Variants in SLC8A3 observed in about 807,000 individuals in gnomAD.
SLC8A3 encodes the protein solute carrier family 8 member A3, also known as sodium/calcium exchanger 3.
Under a neutral mutation model 65.4 loss-of-function variants are expected in SLC8A3, and 37 were observed. The ratio of observed to expected loss-of-function variants is 0.57; its 90% CI spans 0.44 to 0.74. The LOEUF (loss-of-function observed/expected upper bound fraction) is 0.74, where lower values mean the gene tolerates loss of function less well. Ranked by LOEUF, SLC8A3 falls within the 30% of genes least tolerant of loss-of-function variation. The pLI is 0.00. For missense variants in SLC8A3, 1,112 were observed against 1,172.1 expected (o/e 0.95, Z 0.75); for synonymous variants, 461 against 444.5 (o/e 1.04, Z -0.47).
intron 2 of SLC8A3, among the ~76,000 whole-genome samples, chr14:70,064,991 A>T (rs1473279575): frequency 1.3e-5 from 2 of 151,960 alleles, no homozygotes; most frequent in Non-Finnish European, 2.9e-5. Flanking sequence ...TGGGTGTGAG[A>T]CACTGCTAGG....
At chr14:70,110,627 A>G (rs1239082217) in intron 2 of SLC8A3, among the ~76,000 whole-genome samples, 1 of 147,126 alleles carries the variant, frequency 6.8e-6, no homozygotes, top group Non-Finnish European at 1.5e-5. Context: ...AATCTTAGCT[A>G]TTGTGAACAG....
At chr14:70,186,053 A>T (rs1285247101) in intron 1 of SLC8A3, among the ~76,000 whole-genome samples, 1 of 152,114 alleles carries the variant, frequency 6.6e-6, no homozygotes, top group Non-Finnish European at 1.5e-5. Context: ...TAGTTCCTAT[A>T]ATCCCTACGT....
At chr14:70,051,931 T>C (rs1887556474) in intron 4 of SLC8A3, 59 bp downstream of exon 4, 2 of 1,482,124 alleles carry the variant, frequency 1.3e-6, no homozygotes, top group African/African-American at 2.8e-5. Flanking sequence ...ACACCCCAGG[T>C]CTTCTGCCTC....
intron 5 of SLC8A3, among the ~76,000 whole-genome samples, chr14:70,049,483 G>T (rs1276920570): frequency 6.6e-6 from 1 of 152,156 alleles, no homozygotes; most frequent in African/African-American, 2.4e-5. Context: ...GAGCCTGTCA[G>T]GGGTGAGGGA....
intron 2 of SLC8A3, among the ~76,000 whole-genome samples, chr14:70,085,010 A>G (rs1891325962): frequency 6.6e-6 from 1 of 152,252 alleles, no homozygotes; most frequent in Non-Finnish European, 1.5e-5. Flanking sequence ...AATTCCATTT[A>G]CAAATGTCTA....
At chr14:70,081,022 T>C (rs558130977) in intron 2 of SLC8A3, among the ~76,000 whole-genome samples, 1 of 152,366 alleles carries the variant, frequency 6.6e-6, no homozygotes, top group African/African-American at 2.4e-5. Flanking sequence ...CTTTCCAGTA[T>C]ACCAATGGTT....
At chr14:70,127,007 A>T (rs1894502826) in intron 2 of SLC8A3, among the ~76,000 whole-genome samples, 2 of 152,304 alleles carry the variant, frequency 1.3e-5, no homozygotes, top group South Asian at 4.1e-4. Context: ...ATTCCTGGCC[A>T]CTGGGAGGGG....
At position 70,051,027 on chromosome 14, in the gene SLC8A3, C is replaced by T; in HGVS notation, c.2094G>A (p.Glu698=). 2 of 1,612,390 alleles carry T rather than the reference C, an allele frequency of 1.2e-6. No homozygotes were observed. Among genetic ancestry groups the T allele is most frequent in the Non-Finnish European group, 1.7e-6 (2 of 1,178,494 alleles). The change falls in exon 5 of 7, where the codon GAG becomes GAA. Residue 698 remains glutamate (E), a synonymous_variant. Coordinates refer to ENST00000356921, the MANE Select transcript of SLC8A3 (RefSeq NM_182932.3). ...GTHSWRDQFM[E]AITVSAAGDE... Reference sequence around the variant, plus strand: ...TCTCACCTGCACTGACGGTGATGGCCTCCATGAACTGGTCCCTCCAGGAAT... The same window carrying T: ...TCTCACCTGCACTGACGGTGATGGCTTCCATGAACTGGTCCCTCCAGGAAT...
In SLC8A3 at chr14:70,168,287, C is replaced by T; in HGVS notation, c.136G>A (p.Glu46Lys). 6.2e-7 allele frequency: 1 copy of T among 1,614,148 alleles called. No homozygotes were observed. The highest frequency in any genetic ancestry group is 8.5e-7 in the Non-Finnish European group (1 of 1,180,006). ...CAGTCCGATGACCCTGAACAGGACT[C>T]ATTGTTCTGCCCTGTGCTTGGCACG... ...GDVPSTGQNN[E>K]SCSGSSDCKE... The change falls in exon 2 of 7, where the codon GAG (glutamate) becomes AAG (lysine). Residue 46 changes from glutamate (E) to lysine (K), a missense_variant. Physicochemically the swap from Glu to Lys is moderately conservative, Grantham distance 56. Transcript: ENST00000356921.
intron 2 of SLC8A3, among the ~76,000 whole-genome samples, chr14:70,136,855 T>C (rs1021161249): frequency 6.6e-6 from 1 of 152,250 alleles, no homozygotes; most frequent in East Asian, 1.9e-4. Context: ...GAAGAGTTGG[T>C]TGACCAAACA....
chr14:70,052,320 C>T (rs1470003151), intron 3 of SLC8A3, among the ~76,000 whole-genome samples: 16 of 152,172 alleles, frequency 1.1e-4, no homozygotes, highest in Non-Finnish European at 2.2e-4. Context: ...CTGGGATAAG[C>T]GTTCCTCTTT....
At chr14:70,104,770 A>G (rs540826062) in intron 2 of SLC8A3, among the ~76,000 whole-genome samples, 3 of 152,316 alleles carry the variant, frequency 2.0e-5, no homozygotes, top group African/African-American at 7.2e-5. Context: ...TGAAAAGACA[A>G]TATCAAAATT....
At chr14:70,055,318 G>T (rs1338243109) in intron 3 of SLC8A3, among the ~76,000 whole-genome samples, 1 of 152,144 alleles carries the variant, frequency 6.6e-6, no homozygotes, top group African/African-American at 2.4e-5. Context: ...TAAAATTCCA[G>T]ATTCTTTAAA....
At chr14:70,124,328 C>G (rs1894291231) in intron 2 of SLC8A3, among the ~76,000 whole-genome samples, 1 of 152,232 alleles carries the variant, frequency 6.6e-6, no homozygotes, top group African/African-American at 2.4e-5. Flanking sequence ...ATCATCACCA[C>G]CTCTTCCCTC....
intron 2 of SLC8A3, among the ~76,000 whole-genome samples, chr14:70,116,842 A>C (rs539633953): frequency 6.6e-6 from 1 of 152,324 alleles, no homozygotes; most frequent in East Asian, 1.9e-4. Flanking sequence ...TCCGCATGGA[A>C]TTTTTAGCAA....
chr14:70,124,685 C>T (rs1894322572), intron 2 of SLC8A3, among the ~76,000 whole-genome samples: 1 of 152,246 alleles, frequency 6.6e-6, no homozygotes, highest in African/African-American at 2.4e-5. Context: ...GTCTTTCTTG[C>T]TTTAACTCTT....
intron 2 of SLC8A3, among the ~76,000 whole-genome samples, chr14:70,082,027 A>G (rs1891085963): frequency 6.6e-6 from 1 of 152,220 alleles, no homozygotes; most frequent in Non-Finnish European, 1.5e-5. Flanking sequence ...AATCCTTCTC[A>G]GAGCACTATT....
chr14:70,080,326 T>C, intron 2 of SLC8A3: 1 of 765,236 alleles, frequency 1.3e-6, no homozygotes, highest in Non-Finnish European at 1.6e-6. Flanking sequence ...GCGGTGAGGA[T>C]CGGTGGCCTT....
intron 2 of SLC8A3, among the ~76,000 whole-genome samples, chr14:70,105,068 G>A (rs535272167): frequency 1.5e-4 from 23 of 152,296 alleles, no homozygotes; most frequent in African/African-American, 3.6e-4. Context: ...GGTGGCTCAC[G>A]CCTGTAATCC....
Sources: allele counts gnomAD v4.1 joint callset (sites outside exome capture counted in the v4.1 genomes callset), GRCh38; gene constraint gnomAD v4.1.1; transcripts MANE v1.5; gene names NCBI Gene and HGNC (gene_info 2026-07-23, HGNC 2026-07-21).